LRP1B: variants seen among roughly 807,000 people sequenced by gnomAD.
The protein encoded by LRP1B is LDL receptor related protein 1B, also known as low-density lipoprotein receptor-related protein 1B.
Under a neutral mutation model 556.6 loss-of-function variants are expected in LRP1B, and 217 were observed. The observed-to-expected ratio is 0.39, with a 90% confidence interval of 0.35 to 0.44. LRP1B has a LOEUF of 0.44. Among genes scored for constraint, LRP1B ranks in the 20% least tolerant of loss-of-function variants. LRP1B has a pLI of 1.00. For missense variants in LRP1B, 5,053 were observed against 5,620.8 expected (o/e 0.90, Z 3.23); for synonymous variants, 2,047 against 1,865.8 (o/e 1.10, Z -2.50).
At chr2:140,304,521 ATTTG>A (rs1314339309) in intron 83 of LRP1B, among the ~76,000 whole-genome samples, 11 of 152,092 alleles carry the variant, frequency 7.2e-5, no homozygotes, top group African/African-American at 2.4e-4. Context: ...TTTCTTGTAA[ATTTG>A]TTTGAGTTCT....
At chr2:141,947,899 C>T (rs1042211117) in intron 1 of LRP1B, among the ~76,000 whole-genome samples, 5 of 151,388 alleles carry the variant, frequency 3.3e-5, no homozygotes, top group Non-Finnish European at 5.9e-5. Flanking sequence ...GGTTTTGAGA[C>T]GTAGAAAGCA....
Position 141,229,189 on chromosome 2 carries a change from A to C in LRP1B, c.844T>G (p.Phe282Val), listed in dbSNP as rs753899302. The C allele has an allele frequency of 6.2e-7, 1 of 1,612,964 alleles. No individual in the cohort carries two copies. The highest frequency in any genetic ancestry group is 2.2e-5 in the East Asian group (1 of 44,760). Residue 282 changes from phenylalanine to valine, a missense_variant, in exon 6 of 91, where the codon TTC (phenylalanine) becomes GTC (valine). This residue lies in a region of LRP1B where 3,619 missense variants were observed against 3,931.9 expected (regional missense o/e 0.92). Coordinates refer to ENST00000389484, the MANE Select transcript of LRP1B (RefSeq NM_018557.3). ...DEWTINILQS[F>V]HNVQQMAIDW... Reference sequence around the variant, plus strand: ...ATTTAATTGAAACACTTACTGTGGAAGGATTGAAGAATATTGATTGTCCAT... The same window carrying C: ...ATTTAATTGAAACACTTACTGTGGACGGATTGAAGAATATTGATTGTCCAT...
At chr2:141,498,692 C>A (rs1683606909) in intron 2 of LRP1B, among the ~76,000 whole-genome samples, 1 of 152,050 alleles carries the variant, frequency 6.6e-6, no homozygotes, top group African/African-American at 2.4e-5. Flanking sequence ...GCATTTGGAA[C>A]AACTGCATAA....
chr2:140,410,692 A>G (rs973818468), intron 66 of LRP1B, among the ~76,000 whole-genome samples: 2 of 152,180 alleles, frequency 1.3e-5, no homozygotes, highest in African/African-American at 4.8e-5. Context: ...TTAAATCTGC[A>G]TTAATTTAGC....
chr2:140,611,994 T>A (rs1683089098), intron 41 of LRP1B, among the ~76,000 whole-genome samples: 1 of 152,128 alleles, frequency 6.6e-6, no homozygotes, highest in Non-Finnish European at 1.5e-5. Context: ...AGGGTATAAA[T>A]GTAAACACAC....
intron 7 of LRP1B, among the ~76,000 whole-genome samples, chr2:141,089,910 A>G (rs1223392567): frequency 1.3e-5 from 2 of 152,236 alleles, no homozygotes; most frequent in Admixed American, 6.5e-5. Flanking sequence ...GACATTTTTG[A>G]AACACCTGTA....
intron 7 of LRP1B, among the ~76,000 whole-genome samples, chr2:141,166,331 G>A (rs1202577673): frequency 2.0e-5 from 3 of 147,012 alleles, no homozygotes; most frequent in Non-Finnish European, 4.5e-5. Flanking sequence ...CCTCTTCTCA[G>A]TGAGGCTTTT....
intron 42 of LRP1B, 62 bp downstream of exon 42, chr2:140,601,388 G>A (rs1298120707): frequency 1.6e-6 from 2 of 1,222,558 alleles, no homozygotes; most frequent in Non-Finnish European, 2.2e-6. Context: ...AAAATTAACA[G>A]AACTCTGATA....
At position 141,393,188 on chromosome 2, in the gene LRP1B, A is replaced by G. The variant is rs1020560894; in HGVS notation, c.343+87208T>C. Among the ~76,000 whole-genome samples, 6 of 152,126 alleles carry G rather than the reference A, an allele frequency of 3.9e-5. No homozygotes were observed. In the South Asian group the frequency reaches 1.2e-3, roughly 32 times the overall value. On this transcript the variant is annotated intron_variant, in intron 3 of 90. Transcript: ENST00000389484. ...GACTAAGTTTCTATAGTAAGTTCCC[A>G]AAACCTGAACACCATTCTATCAAAA... is the stretch of plus-strand genomic sequence containing the variant.
chr2:141,037,752 G>A (rs1245297469), intron 11 of LRP1B, among the ~76,000 whole-genome samples: 2 of 151,854 alleles, frequency 1.3e-5, no homozygotes, highest in Non-Finnish European at 2.9e-5. Context: ...ATGGACATTC[G>A]GGGATGCAAA....
intron 43 of LRP1B, among the ~76,000 whole-genome samples, chr2:140,556,667 G>C (rs146960054): frequency 6.6e-6 from 1 of 151,738 alleles, no homozygotes; most frequent in Non-Finnish European, 1.5e-5. Flanking sequence ...ACTTACCTTC[G>C]TCCCTACATC....
In LRP1B at chr2:140,630,273, T is replaced by C. The variant is rs150806502; in HGVS notation, c.6800-28634A>G. On this transcript the variant is annotated intron_variant, in intron 41 of 90. Coordinates refer to ENST00000389484, the MANE Select transcript of LRP1B (RefSeq NM_018557.3). ...TGTTGTGAGCCACAGTAGAAGAGCA[T>C]AGTGATTAAGAGTAAAGAATCAGAC... Among the ~76,000 whole-genome samples the C allele has an allele frequency of 3.1e-3, 465 of 152,278 alleles. 2 individuals carry two copies. The highest frequency in any genetic ancestry group is 0.011 in the African/African-American group (451 of 41,548).
chr2:141,800,173 A>C (rs1695964579), intron 2 of LRP1B, among the ~76,000 whole-genome samples: 1 of 152,184 alleles, frequency 6.6e-6, no homozygotes, highest in African/African-American at 2.4e-5. Context: ...TCTGGATAGC[A>C]TATATACATG....
intron 1 of LRP1B, among the ~76,000 whole-genome samples, chr2:141,968,871 A>G (rs1034041182): frequency 6.6e-6 from 1 of 151,688 alleles, no homozygotes; most frequent in Non-Finnish European, 1.5e-5. Context: ...CGCATTATTA[A>G]TCGGCTCTCA....
At chr2:141,239,177 C>T (rs1302244711) in intron 5 of LRP1B, among the ~76,000 whole-genome samples, 1 of 151,944 alleles carries the variant, frequency 6.6e-6, no homozygotes, top group African/African-American at 2.4e-5. Context: ...AAGGCAAGAG[C>T]AAAATTTCAA....
At chr2:141,632,653 A>T (rs1185852645) in intron 2 of LRP1B, among the ~76,000 whole-genome samples, 1 of 152,108 alleles carries the variant, frequency 6.6e-6, no homozygotes, top group Admixed American at 6.6e-5. Flanking sequence ...ATATTTTTAA[A>T]TTTTTTTGTT....
intron 1 of LRP1B, among the ~76,000 whole-genome samples, chr2:142,028,030 GACATTTA>G (rs1703566921): frequency 1.3e-5 from 2 of 151,854 alleles, no homozygotes; most frequent in South Asian, 4.1e-4. Context: ...AATACATATT[GACATTTA>G]ACATTTATTT....
At chr2:141,748,912 CT>C (rs1694006445) in intron 2 of LRP1B, among the ~76,000 whole-genome samples, 1 of 152,110 alleles carries the variant, frequency 6.6e-6, no homozygotes, top group Non-Finnish European at 1.5e-5. Flanking sequence ...GCTTTTATAG[CT>C]GCTAAGGGGC....
intron 6 of LRP1B, among the ~76,000 whole-genome samples, chr2:141,191,994 G>A (rs1372963775): frequency 6.6e-6 from 1 of 151,846 alleles, no homozygotes; most frequent in Non-Finnish European, 1.5e-5. Flanking sequence ...TATCATTTCA[G>A]AAAGATTTTC....
Sources: allele counts gnomAD v4.1 joint callset (sites outside exome capture counted in the v4.1 genomes callset), GRCh38; gene constraint gnomAD v4.1.1; regional missense constraint gnomAD v4.1.1; transcripts MANE v1.5; gene names NCBI Gene and HGNC (gene_info 2026-07-23, HGNC 2026-07-21).